Variants in ZFPM1 observed in about 807,000 individuals in gnomAD.
ZFPM1 encodes the protein zinc finger protein, FOG family member 1.
ZFPM1 carries 28 observed loss-of-function variants against 46.3 expected under a neutral mutation model. The ratio of observed to expected loss-of-function variants is 0.60; its 90% CI spans 0.45 to 0.83. The LOEUF is 0.83. Among genes scored for constraint, ZFPM1 ranks in the 40% least tolerant of loss-of-function variants. The pLI, the probability that ZFPM1 is intolerant of heterozygous loss-of-function variation, is 0.00. For missense variants in ZFPM1, 1,878 were observed against 1,432.4 expected (o/e 1.31, Z -5.02); for synonymous variants, 957 against 675.9 (o/e 1.42, Z -6.45).
intron 7 of ZFPM1, 79 bp downstream of exon 7, chr16:88,532,314 C>G: frequency 7.3e-7 from 1 of 1,362,006 alleles, no homozygotes; most frequent in Non-Finnish European, 1.0e-6. Context: ...CCGGGAAAAC[C>G]CACATGCAAG....
intron 1 of ZFPM1, among the ~76,000 whole-genome samples, chr16:88,461,207 C>T (rs1450996021): frequency 1.9e-5 from 2 of 106,736 alleles, no homozygotes; most frequent in Admixed American, 1.7e-4. Flanking sequence ...TGGTGAGGAC[C>T]CAGGGGCGGG....
chr16:88,485,013 T>C (rs1909138953), intron 1 of ZFPM1, among the ~76,000 whole-genome samples: 1 of 152,208 alleles, frequency 6.6e-6, no homozygotes, highest in South Asian at 2.1e-4. Context: ...CTTGGTTTGT[T>C]CGCTCGACAA....
At chr16:88,489,181 G>C (rs1261017579) in intron 3 of ZFPM1, 28 bp downstream of exon 3, 55 of 1,569,372 alleles carry the variant, frequency 3.5e-5, no homozygotes, top group Non-Finnish European at 4.4e-5. Context: ...GGGGGCAGCA[G>C]CATCGCCTCC....
chr16:88,519,326 T>C (rs1340357028), intron 4 of ZFPM1, among the ~76,000 whole-genome samples: 1 of 146,950 alleles, frequency 6.8e-6, no homozygotes, highest in Admixed American at 6.7e-5. Flanking sequence ...AGTGGATAGA[T>C]GGATGAGTGG....
In ZFPM1 at chr16:88,469,872, C is replaced by T. The variant is rs1215993249; in HGVS notation, c.41-16067C>T. ...CACCCCCTAACGTGGGGTGCAGTGC[C>T]TCTCACGTGGTGAGGGTCAGAGGTG... On this transcript the variant is annotated intron_variant, in intron 1 of 9. Transcript: ENST00000319555. This position sits in a 1 kb window ranked among gnomAD's most constrained non-coding sequence, Gnocchi z 4.3. 2.0e-5 allele frequency among the ~76,000 whole-genome samples: 3 copies of T among 152,116 alleles called. No homozygotes were observed. Among genetic ancestry groups the T allele is most frequent in the Non-Finnish European group, 4.4e-5 (3 of 68,008 alleles).
At chr16:88,531,845 C>G (rs377699825) in intron 6 of ZFPM1, among the ~76,000 whole-genome samples, 157 bp from the exon 7 acceptor site, 1 of 152,334 alleles carries the variant, frequency 6.6e-6, no homozygotes, top group East Asian at 1.9e-4. Context: ...CAGGACCATC[C>G]AGGAGGCTTA....
chr16:88,521,024 G>A (rs1174685924), intron 4 of ZFPM1, among the ~76,000 whole-genome samples: 1 of 130,318 alleles, frequency 7.7e-6, no homozygotes. Flanking sequence ...GATTATGTAG[G>A]TGGGTAGATG....
At chr16:88,479,580 G>A (rs773851306) in intron 1 of ZFPM1, among the ~76,000 whole-genome samples, 3 of 152,098 alleles carry the variant, frequency 2.0e-5, no homozygotes, top group Non-Finnish European at 2.9e-5. Flanking sequence ...CAAGCTGCCC[G>A]CTGCCCAGCT....
intron 3 of ZFPM1, among the ~76,000 whole-genome samples, chr16:88,495,129 G>T (rs143623762): frequency 5.9e-5 from 9 of 152,216 alleles, no homozygotes; most frequent in African/African-American, 1.9e-4. Context: ...AAATGGAGGC[G>T]CTCAGACGTG....
intron 4 of ZFPM1, among the ~76,000 whole-genome samples, chr16:88,523,953 C>T (rs996182904): frequency 2.0e-5 from 3 of 152,216 alleles, no homozygotes; most frequent in Admixed American, 1.3e-4. Flanking sequence ...CACTCGGGAC[C>T]GCCACAGAAA....
chr16:88,524,295 G>T (rs1185571173), intron 4 of ZFPM1, among the ~76,000 whole-genome samples: 5 of 152,178 alleles, frequency 3.3e-5, no homozygotes, highest in African/African-American at 2.4e-5. Context: ...GTAGCCGCCG[G>T]TCACCCACCT....
chr16:88,495,806 C>T (rs1314555204), intron 3 of ZFPM1, among the ~76,000 whole-genome samples: 1 of 152,160 alleles, frequency 6.6e-6, no homozygotes, highest in South Asian at 2.1e-4. Context: ...GTTCCCTTCA[C>T]CAGGAGGCGT....
chr16:88,510,337 ACT>A (rs1315101226), intron 3 of ZFPM1, among the ~76,000 whole-genome samples: 1 of 151,828 alleles, frequency 6.6e-6, no homozygotes, highest in African/African-American at 2.4e-5. Context: ...CAGGTTCCCC[ACT>A]CTGTGGGGTT....
chr16:88,460,964 G>A lies in ZFPM1; in HGVS notation c.40+7286G>A, dbSNP rs868002631. Among the ~76,000 whole-genome samples, 299 of 41,352 alleles carry A rather than the reference G, an allele frequency of 7.2e-3. 34 individuals are homozygous for A. Among genetic ancestry groups the A allele is most frequent in the African/African-American group, 0.03 (243 of 7,982 alleles). 27.1% of individuals were successfully genotyped at this position (41,352 alleles called of 152,430 possible). A position where few individuals can be genotyped will look rare whatever the true frequency, so the allele number is the denominator to read the frequency against. Reference sequence around the variant, plus strand: ...TGATGACCGAGGGGCGGGGCGGGAGGCCTGGTGAGGACCGAGGGGAGGGGC... The same window carrying A: ...TGATGACCGAGGGGCGGGGCGGGAGACCTGGTGAGGACCGAGGGGAGGGGC... On this transcript the variant is annotated intron_variant, in intron 1 of 9. Coordinates refer to ENST00000319555, the MANE Select transcript of ZFPM1 (RefSeq NM_153813.3).
At chr16:88,520,589 G>GT (rs1567550039) in intron 4 of ZFPM1, among the ~76,000 whole-genome samples, 1 of 92,556 alleles carries the variant, frequency 1.1e-5, no homozygotes, top group African/African-American at 3.6e-5. Flanking sequence ...TGGATGGATG[G>GT]GAGGGTGAGT....
At chr16:88,499,667 G>A (rs1306032250) in intron 3 of ZFPM1, among the ~76,000 whole-genome samples, 3 of 152,234 alleles carry the variant, frequency 2.0e-5, no homozygotes, top group African/African-American at 7.2e-5. Flanking sequence ...GACAGAGGGA[G>A]ATCTGAGAAA....
rs1421926615 is a variant in ZFPM1 at position 88,534,126 on chromosome 16, C to T, written c.2168C>T (p.Pro723Leu). The T allele has an allele frequency of 2.0e-6, 2 of 1,020,074 alleles. No individual in the cohort carries two copies. Among genetic ancestry groups the T allele is most frequent in the Non-Finnish European group, 2.4e-6 (2 of 850,780 alleles). The allele number at this position is 1,020,074 out of a possible 1,614,324, so 63.2% of individuals were successfully genotyped here. ...PPRRPAAPPG[P>L]PGPAAPPAPS... is the part of the protein sequence containing the mutation. ...CGCCGACCGGCCGCGCCCCCGGGAC[C>T]CCCTGGGCCGGCCGCGCCCCCGGCC... The change falls in exon 10 of 10, where the codon CCC becomes CTC. Residue 723 changes from proline to leucine, a missense_variant. Transcript: ENST00000319555.
intron 4 of ZFPM1, among the ~76,000 whole-genome samples, chr16:88,526,198 G>A (rs963094052): frequency 1.1e-4 from 16 of 152,342 alleles, no homozygotes; most frequent in African/African-American, 3.4e-4. Flanking sequence ...CCCCGGGAGC[G>A]AGCGGGAACG....
chr16:88,505,862 C>T (rs1362709707), intron 3 of ZFPM1, among the ~76,000 whole-genome samples: 10 of 152,108 alleles, frequency 6.6e-5, no homozygotes, highest in East Asian at 1.9e-4. Context: ...CAGGTGCAGC[C>T]GCCGGCAGGG....
Sources: gnomAD v4.1 joint callset for allele counts (sites outside exome capture counted in the v4.1 genomes callset) on GRCh38, gnomAD v4.1.1 for gene constraint, Gnocchi (gnomAD v3.1) non-coding constraint, MANE v1.5 for transcripts, NCBI Gene and HGNC (gene_info 2026-07-23, HGNC 2026-07-21) for gene names.